The following ARB2A variants were observed in gnomAD, a reference collection of about 807,000 sequenced individuals.
The protein encoded by ARB2A is ARB2 cotranscriptional regulator A.
chr5:93,758,492 T>G, the ARB2A span, among the ~76,000 whole-genome samples: 2 of 152,098 alleles, frequency 1.3e-5, no homozygotes, highest in African/African-American at 4.8e-5. Context: ...GACCATATGA[T>G]AGGCCATAAA....
At chr5:93,751,034 T>G in the ARB2A span, among the ~76,000 whole-genome samples, 1 of 152,196 alleles carries the variant, frequency 6.6e-6, no homozygotes, top group East Asian at 1.9e-4. Flanking sequence ...AGAATCTTCA[T>G]GCCAATTTTG....
chr5:93,834,911 A>C, the ARB2A span, among the ~76,000 whole-genome samples: 1,875 of 152,308 alleles, frequency 0.012, 22 homozygotes, highest in East Asian at 0.037. Context: ...ACAGAAATGC[A>C]AACATACTAA....
At chr5:94,016,523 T>C in the ARB2A span, among the ~76,000 whole-genome samples, 1 of 152,232 alleles carries the variant, frequency 6.6e-6, no homozygotes, top group Non-Finnish European at 1.5e-5. Flanking sequence ...AAAGTTTTTT[T>C]GTCTTGTCCC....
the ARB2A span, among the ~76,000 whole-genome samples, chr5:93,698,085 G>C: frequency 2.0e-5 from 3 of 152,160 alleles, no homozygotes; most frequent in African/African-American, 7.2e-5. Flanking sequence ...CTGGGTTAAA[G>C]GGCTCAGGGA....
At chr5:93,940,969 T>C in the ARB2A span, among the ~76,000 whole-genome samples, 1 of 152,104 alleles carries the variant, frequency 6.6e-6, no homozygotes, top group African/African-American at 2.4e-5. Context: ...TATAAAAATA[T>C]AAAGGCTAAA....
the ARB2A span, among the ~76,000 whole-genome samples, chr5:93,701,037 T>C: frequency 6.6e-6 from 1 of 152,178 alleles, no homozygotes; most frequent in Non-Finnish European, 1.5e-5. Context: ...AGATTCATAT[T>C]GTGGGGAATG....
the ARB2A span, among the ~76,000 whole-genome samples, chr5:94,016,532 C>T: frequency 1.3e-5 from 2 of 152,064 alleles, no homozygotes; most frequent in African/African-American, 4.8e-5. Flanking sequence ...TTGTCTTGTC[C>T]CTCCTTTGTA....
At chr5:93,698,809 C>T in the ARB2A span, among the ~76,000 whole-genome samples, 1 of 152,116 alleles carries the variant, frequency 6.6e-6, no homozygotes, top group Non-Finnish European at 1.5e-5. Context: ...AAGATAGACA[C>T]ACATTTTGTC....
At chr5:93,950,961 AAAT>A in the ARB2A span, among the ~76,000 whole-genome samples, 15,719 of 150,974 alleles carry the variant, frequency 0.1, 938 homozygotes, top group Middle Eastern at 0.16. Context: ...AAAAAAAATA[AAAT>A]AAAATAAAAT....
chr5:93,776,048 C>A, the ARB2A span: 2 of 845,884 alleles, frequency 2.4e-6, no homozygotes, highest in Non-Finnish European at 1.8e-6. Context: ...ATTCATCTAA[C>A]AACTCAAAGA....
the ARB2A span, among the ~76,000 whole-genome samples, chr5:93,846,519 T>A: frequency 2.7e-5 from 4 of 150,766 alleles, no homozygotes; most frequent in Non-Finnish European, 5.9e-5. Context: ...ATAATAATAA[T>A]AAAAATAAAA....
At chr5:94,030,424 C>G in the ARB2A span, among the ~76,000 whole-genome samples, 1 of 152,200 alleles carries the variant, frequency 6.6e-6, no homozygotes, top group Non-Finnish European at 1.5e-5. Context: ...GCAGAGTCAT[C>G]TGGGGGACAA....
At chr5:93,848,154 G>T in the ARB2A span, among the ~76,000 whole-genome samples, 2 of 152,264 alleles carry the variant, frequency 1.3e-5, no homozygotes, top group East Asian at 3.9e-4. Context: ...GGAGGCCAAG[G>T]CAGGTGGATC....
At chr5:93,764,995 C>T in the ARB2A span, among the ~76,000 whole-genome samples, 1 of 152,122 alleles carries the variant, frequency 6.6e-6, no homozygotes, top group African/African-American at 2.4e-5. Flanking sequence ...AATTCAACAA[C>T]CCTTCATGCT....
the ARB2A span, among the ~76,000 whole-genome samples, chr5:94,007,294 A>G: frequency 8.5e-5 from 13 of 152,338 alleles, 1 homozygote; most frequent in East Asian, 2.5e-3. Context: ...GATTAAAAGT[A>G]TAAGAGGGAA....
chr5:93,885,970 A>T, the ARB2A span, among the ~76,000 whole-genome samples: 1 of 151,808 alleles, frequency 6.6e-6, no homozygotes, highest in South Asian at 2.1e-4. Context: ...CAAACAGGTG[A>T]TGACAAACAC....
the ARB2A span, among the ~76,000 whole-genome samples, chr5:93,894,804 C>T: frequency 1.9e-4 from 29 of 152,196 alleles, no homozygotes; most frequent in East Asian, 2.7e-3. Context: ...CCCATCCTGG[C>T]CCAAGTCCTG....
chr5:93,857,573 G>A, the ARB2A span, among the ~76,000 whole-genome samples: 6 of 152,274 alleles, frequency 3.9e-5, no homozygotes, highest in East Asian at 7.7e-4. Context: ...CTCCATGGGC[G>A]TAGGACCCTC....
chr5:93,785,214 G>C, the ARB2A span, among the ~76,000 whole-genome samples: 1 of 152,070 alleles, frequency 6.6e-6, no homozygotes, highest in Non-Finnish European at 1.5e-5. Context: ...GAAATTAAAA[G>C]CTAAAATTTC....
Sources: allele counts gnomAD v4.1 joint callset (sites outside exome capture counted in the v4.1 genomes callset), GRCh38; gene constraint gnomAD v4.1.1; transcripts MANE v1.5; gene names NCBI Gene and HGNC (gene_info 2026-07-23, HGNC 2026-07-21).